DAB1: variants seen among roughly 807,000 people sequenced by gnomAD.
DAB1 encodes the protein DAB adaptor protein 1.
A neutral mutation model predicts 64.6 loss-of-function variants in DAB1; 15 were observed. The observed-to-expected ratio is 0.23, with a 90% CI of 0.16 to 0.36. The LOEUF is 0.36. Among genes scored for constraint, DAB1 ranks in the 10% least tolerant of loss-of-function variants. DAB1 has a pLI of 1.00. For missense variants in DAB1, 596 were observed against 706.7 expected (o/e 0.84, Z 1.78); for synonymous variants, 235 against 251.9 (o/e 0.93, Z 0.64).
Position 58,041,670 on chromosome 1 carries a change from C to A in DAB1, n.387+108841G>T, listed in dbSNP as rs189600761. Among the ~76,000 whole-genome samples the A allele has an allele frequency of 7.9e-5, 12 of 152,318 alleles. No individual in the cohort carries two copies. The East Asian group carries it at 2.3e-3, about 29-fold the overall frequency. ...GCAGATGCTTAAACGCTACCACACA[C>A]CACCCTCAAAGAAGGGCCTCCTTGA... On this transcript the variant is annotated intron_variant and non_coding_transcript_variant, in intron 5 of 20. Coordinates refer to the DAB1 transcript ENST00000485760.
intron 5 of DAB1, among the ~76,000 whole-genome samples, chr1:57,912,427 T>C (rs1644660061): frequency 6.6e-6 from 1 of 152,216 alleles, no homozygotes; most frequent in Non-Finnish European, 1.5e-5. Flanking sequence ...AAATTAGGTA[T>C]TGATGGGATG....
At chr1:57,000,136 C>T (rs1645799162) in intron 14 of DAB1, among the ~76,000 whole-genome samples, 1 of 151,208 alleles carries the variant, frequency 6.6e-6, no homozygotes, top group African/African-American at 2.4e-5. Context: ...CTTGGCCTCC[C>T]AGGTTCACAC....
chr1:57,791,819 G>T (rs1650614365), intron 6 of DAB1, among the ~76,000 whole-genome samples: 1 of 152,118 alleles, frequency 6.6e-6, no homozygotes, highest in South Asian at 2.1e-4. Flanking sequence ...TGCCTTTTCA[G>T]ACACACCAGT....
At chr1:57,780,790 G>T (rs1409812436) in intron 6 of DAB1, among the ~76,000 whole-genome samples, 1 of 140,276 alleles carries the variant, frequency 7.1e-6, no homozygotes, top group Non-Finnish European at 1.5e-5. Context: ...GTCTCACTCT[G>T]TTGCCCAGGC....
chr1:57,926,494 C>T (rs552075063), intron 5 of DAB1, among the ~76,000 whole-genome samples: 1 of 152,256 alleles, frequency 6.6e-6, no homozygotes, highest in Non-Finnish European at 1.5e-5. Context: ...TGTCAAGGGC[C>T]TTGGAGTCTC....
At chr1:57,537,331 G>A (rs1644742170) in intron 7 of DAB1, among the ~76,000 whole-genome samples, 1 of 152,140 alleles carries the variant, frequency 6.6e-6, no homozygotes, top group South Asian at 2.1e-4. Flanking sequence ...TGAATTATTA[G>A]GTTCTTATGA....
intron 1 of DAB1, among the ~76,000 whole-genome samples, chr1:57,346,741 G>T (rs1243107632): frequency 3.3e-5 from 5 of 152,130 alleles, no homozygotes; most frequent in African/African-American, 4.8e-5. Flanking sequence ...AAAAGCTGAG[G>T]TTACAGCAGT....
At chr1:58,485,255 A>AAAAAAAAAAAAAAAAAAC (rs1278777616) in intron 3 of DAB1, among the ~76,000 whole-genome samples, 1 of 150,082 alleles carries the variant, frequency 6.7e-6, no homozygotes, top group Non-Finnish European at 1.5e-5. Context: ...AAAAAAAAAA[A>AAAAAAAAAAAAAAAAAAC]AGCTGGCCTG....
chr1:58,252,730 G>C (rs1264397769), intron 4 of DAB1, among the ~76,000 whole-genome samples: 1 of 152,146 alleles, frequency 6.6e-6, no homozygotes, highest in Non-Finnish European at 1.5e-5. Context: ...AGGTGAAGTA[G>C]CAGAGCTGGA....
chr1:58,086,345 T>C (rs1304195842), intron 5 of DAB1, among the ~76,000 whole-genome samples: 1 of 152,164 alleles, frequency 6.6e-6, no homozygotes, highest in Non-Finnish European at 1.5e-5. Flanking sequence ...TGTCATGACA[T>C]ACACACATTG....
At chr1:58,371,762 T>C (rs1235461019) in intron 3 of DAB1, among the ~76,000 whole-genome samples, 2 of 152,174 alleles carry the variant, frequency 1.3e-5, no homozygotes, top group Non-Finnish European at 2.9e-5. Context: ...CCTCCCACTG[T>C]TGCTAAAAGG....
chr1:57,061,982 C>T (rs1156560604), intron 9 of DAB1, among the ~76,000 whole-genome samples: 1 of 152,208 alleles, frequency 6.6e-6, no homozygotes, highest in Non-Finnish European at 1.5e-5. Context: ...CACGCTAGTT[C>T]CTTGGCTGTG....
intron 4 of DAB1, among the ~76,000 whole-genome samples, chr1:58,214,254 A>G (rs752132426): frequency 6.6e-6 from 1 of 152,132 alleles, no homozygotes; most frequent in Non-Finnish European, 1.5e-5. Flanking sequence ...TAACTTCTTC[A>G]TGAAGCCTCT....
intron 2 of DAB1, among the ~76,000 whole-genome samples, chr1:57,280,449 T>A (rs565801582): frequency 6.6e-6 from 1 of 152,320 alleles, no homozygotes; most frequent in South Asian, 2.1e-4. Context: ...AATCCCATCC[T>A]CTGAGTCATT....
At chr1:58,451,659 C>G (rs1645137681) in intron 3 of DAB1, among the ~76,000 whole-genome samples, 2 of 151,874 alleles carry the variant, frequency 1.3e-5, no homozygotes, top group African/African-American at 4.8e-5. Flanking sequence ...AGATAAAGGA[C>G]AAGAAAAGAC....
At chr1:57,495,375 T>A (rs148401767) in intron 7 of DAB1, among the ~76,000 whole-genome samples, 2 of 152,218 alleles carry the variant, frequency 1.3e-5, no homozygotes, top group African/African-American at 2.4e-5. Context: ...TATCCAAATA[T>A]CATGCTGCAC....
intron 5 of DAB1, among the ~76,000 whole-genome samples, chr1:58,142,227 C>T (rs1480669040): frequency 6.6e-6 from 1 of 152,140 alleles, no homozygotes; most frequent in African/African-American, 2.4e-5. Flanking sequence ...CTCATTTATC[C>T]CCTGCCACTC....
chr1:58,395,034 G>T (rs1488293668), intron 3 of DAB1, among the ~76,000 whole-genome samples: 1 of 152,034 alleles, frequency 6.6e-6, no homozygotes, highest in South Asian at 2.1e-4. Context: ...GAAAGCCTCC[G>T]ACAGTCTAGC....
intron 5 of DAB1, among the ~76,000 whole-genome samples, chr1:57,941,185 G>A (rs1021537553): frequency 6.6e-6 from 1 of 152,150 alleles, no homozygotes; most frequent in Non-Finnish European, 1.5e-5. Flanking sequence ...CCCAAGTTGT[G>A]GACTCAAGCG....
Sources: allele counts gnomAD v4.1 joint callset (sites outside exome capture counted in the v4.1 genomes callset), GRCh38; gene constraint gnomAD v4.1.1; transcripts MANE v1.5; gene names NCBI Gene and HGNC (gene_info 2026-07-23, HGNC 2026-07-21).